PHF21A: variants seen among roughly 807,000 people sequenced by gnomAD.
PHF21A encodes PHD finger protein 21A.
A neutral mutation model predicts 82.5 loss-of-function variants in PHF21A; 11 were observed. The observed-to-expected ratio is 0.13, with a 90% confidence interval of 0.08 to 0.22. PHF21A has a LOEUF of 0.22. PHF21A is among the 10% of genes least tolerant of loss of function. PHF21A has a pLI of 1.00. For missense variants in PHF21A, 579 were observed against 837.8 expected (o/e 0.69, Z 3.81); for synonymous variants, 297 against 302.8 (o/e 0.98, Z 0.20).
intron 3 of PHF21A, among the ~76,000 whole-genome samples, chr11:46,088,563 TA>T (rs1243789503): frequency 6.6e-6 from 1 of 152,340 alleles, no homozygotes; most frequent in African/African-American, 2.4e-5. Context: ...TAATTCTACT[TA>T]CTCACTGTGT....
intron 1 of PHF21A, among the ~76,000 whole-genome samples, chr11:46,092,634 C>G (rs1034434488): frequency 3.3e-5 from 5 of 152,004 alleles, no homozygotes; most frequent in Admixed American, 3.3e-4. Context: ...TCATAAAAGG[C>G]ATTTTTTTCA....
At chr11:45,982,713 C>T (rs370531446) in intron 6 of PHF21A, among the ~76,000 whole-genome samples, 2 of 152,028 alleles carry the variant, frequency 1.3e-5, no homozygotes, top group African/African-American at 2.4e-5. Context: ...AACATATTAA[C>T]GAACTAGCTA....
At chr11:46,043,815 T>G (rs2096204343) in intron 6 of PHF21A, among the ~76,000 whole-genome samples, 1 of 152,174 alleles carries the variant, frequency 6.6e-6, no homozygotes, top group South Asian at 2.1e-4. Context: ...GAATGCTCAC[T>G]TTGGACTCCA....
intron 6 of PHF21A, among the ~76,000 whole-genome samples, chr11:45,984,642 G>A (rs1168875894): frequency 1.3e-5 from 2 of 152,190 alleles, no homozygotes; most frequent in Admixed American, 6.5e-5. Context: ...AGAGAAGGGA[G>A]ACGGAGAGAC....
At chr11:45,956,138 G>A (rs2092618577) in intron 10 of PHF21A, among the ~76,000 whole-genome samples, 1 of 152,178 alleles carries the variant, frequency 6.6e-6, no homozygotes, top group Non-Finnish European at 1.5e-5. Context: ...GACATTCACT[G>A]CTAGTATACC....
At chr11:45,979,666 G>T in intron 7 of PHF21A, 94 bp downstream of exon 7, 1 of 1,567,494 alleles carries the variant, frequency 6.4e-7, no homozygotes. Flanking sequence ...TTCTAGCTGA[G>T]CTTAGTATAG....
At chr11:45,969,948 C>T (rs755474903) in intron 8 of PHF21A, 44 bp from the exon 9 acceptor site, 2 of 1,215,568 alleles carry the variant, frequency 1.6e-6, no homozygotes, top group South Asian at 2.5e-5. Context: ...AACAATTACT[C>T]TTCAATATCA....
chr11:45,979,866 T>C lies in PHF21A; in HGVS notation c.254A>G (p.Gln85Arg). 1 of 1,614,188 alleles carries C rather than the reference T, an allele frequency of 6.2e-7. No individual in the cohort carries two copies. The highest frequency in any genetic ancestry group is 8.5e-7 in the Non-Finnish European group (1 of 1,180,028). Reference protein sequence around the residue: ...QPLPQSENKLQTAQQQPLQQL... With the variant: ...QPLPQSENKLRTAQQQPLQQL... ...CTGTAGTGGTTGCTGCTGTGCTGTT[T>C]GTAGTTTGTTTTCAGATTGTGGCAA... The change falls in exon 7 of 19, where the codon CAA (glutamine) becomes CGA (arginine). Residue 85 changes from glutamine to arginine, a missense_variant. This residue lies in a region of PHF21A where 410 missense variants were observed against 642.1 expected (regional missense o/e 0.64). Coordinates refer to ENST00000676320, the MANE Select transcript of PHF21A (RefSeq NM_001352027.3).
chr11:46,016,555 C>A (rs891422647), intron 6 of PHF21A, among the ~76,000 whole-genome samples: 1 of 152,148 alleles, frequency 6.6e-6, no homozygotes, highest in African/African-American at 2.4e-5. Context: ...CTTACATAAA[C>A]CCTTCCCTAA....
intron 1 of PHF21A, chr11:46,119,623 G>T (rs1852436789): frequency 6.6e-6 from 1 of 152,090 alleles, no homozygotes; most frequent in African/African-American, 2.4e-5. Flanking sequence ...GCCTTCTCCG[G>T]GGGTGCAAGC....
At chr11:45,935,164 A>G in intron 18 of PHF21A, 1 of 1,289,744 alleles carries the variant, frequency 7.8e-7, no homozygotes, top group Non-Finnish European at 1.0e-6. Flanking sequence ...CACACTGGTC[A>G]GGAAAACCGG....
chr11:46,041,866 T>A (rs1221529209), intron 6 of PHF21A, among the ~76,000 whole-genome samples: 2 of 152,156 alleles, frequency 1.3e-5, no homozygotes, highest in Non-Finnish European at 2.9e-5. Context: ...TTAAATACAC[T>A]AGTAGCCATT....
chr11:46,030,496 GACA>G (rs1463022763), intron 6 of PHF21A, among the ~76,000 whole-genome samples: 1 of 152,132 alleles, frequency 6.6e-6, no homozygotes, highest in Non-Finnish European at 1.5e-5. Context: ...TCCAAAAAGA[GACA>G]ACAAGGAAAG....
chr11:45,934,489 T>C (rs1283881563), intron 18 of PHF21A: 1 of 412,186 alleles, frequency 2.4e-6, no homozygotes, highest in Non-Finnish European at 4.3e-6. Flanking sequence ...CACACAGGAG[T>C]ACTAACGCTT....
intron 16 of PHF21A, among the ~76,000 whole-genome samples, chr11:45,937,877 G>T (rs981087663): frequency 6.6e-6 from 1 of 152,160 alleles, no homozygotes; most frequent in African/African-American, 2.4e-5. Flanking sequence ...ACCATTCCTA[G>T]AGAATGAGGC....
intron 7 of PHF21A, among the ~76,000 whole-genome samples, chr11:45,975,988 A>C (rs2136197309): frequency 6.6e-6 from 1 of 152,228 alleles, no homozygotes; most frequent in South Asian, 2.1e-4. Flanking sequence ...TATTTAATAT[A>C]TGCCATATAT....
chr11:46,088,001 T>A (rs1230336167), intron 3 of PHF21A, among the ~76,000 whole-genome samples: 1 of 152,132 alleles, frequency 6.6e-6, no homozygotes, highest in African/African-American at 2.4e-5. Context: ...AAGTGACCCA[T>A]CCACCTTCAG....
In PHF21A at chr11:45,979,876, T is replaced by C. The variant is rs971275567; in HGVS notation, c.244A>G (p.Asn82Asp). The C allele has an allele frequency of 1.9e-6, 3 of 1,614,110 alleles. No homozygotes were observed. The highest frequency in any genetic ancestry group is 2.7e-5 in the African/African-American group (2 of 74,932). ...FQIQPLPQSE[N>D]KLQTAQQQPL... is the part of the protein sequence containing the mutation. ...TGCTGCTGTGCTGTTTGTAGTTTGT[T>C]TTCAGATTGTGGCAATGGCTGTATT... The change falls in exon 7 of 19, where the codon AAC becomes GAC. Residue 82 changes from asparagine to aspartate, a missense_variant. Asn to Asp is a conservative substitution (Grantham distance 23, BLOSUM62 1). Around this residue, in one of 3 missense-constraint regions of PHF21A, gnomAD observed 410 missense variants for 642.1 expected, o/e 0.64. Transcript: ENST00000676320.
chr11:46,017,392 T>C (rs1262976991), intron 6 of PHF21A, among the ~76,000 whole-genome samples: 3 of 152,220 alleles, frequency 2.0e-5, no homozygotes, highest in African/African-American at 7.2e-5. Flanking sequence ...CTAAAGTATA[T>C]TGAAAGCTAA....
Sources: gnomAD v4.1 joint callset for allele counts (sites outside exome capture counted in the v4.1 genomes callset) on GRCh38, gnomAD v4.1.1 for gene constraint, gnomAD v4.1.1 regional missense constraint, MANE v1.5 for transcripts, NCBI Gene and HGNC (gene_info 2026-07-23, HGNC 2026-07-21) for gene names.